Variants in CEP164 observed in about 807,000 individuals in gnomAD.
CEP164 encodes centrosomal protein 164.
CEP164 carries 162 observed loss-of-function variants against 182.7 expected under a neutral mutation model. The observed-to-expected ratio is 0.89, with a 90% CI of 0.78 to 1.01. The LOEUF is 1.01. CEP164 is among the 50% of genes least tolerant of loss of function. The pLI, the probability that CEP164 is intolerant of heterozygous loss-of-function variation, is 0.00. For missense variants in CEP164, 1,735 were observed against 1,790.4 expected, an observed-to-expected ratio of 0.97 and a Z score of 0.56; for synonymous variants, 661 against 690.0, an observed-to-expected ratio of 0.96 and a Z score of 0.66.
upstream of CEP164, among the ~76,000 whole-genome samples, chr11:117,325,510 C>T (rs1330326791): frequency 2.0e-5 from 3 of 152,162 alleles, no homozygotes; most frequent in South Asian, 2.1e-4. Context: ...CTCGGCCTCC[C>T]GAGTAGCTGG....
At chr11:117,398,446 T>C (rs750902340) in intron 27 of CEP164, among the ~76,000 whole-genome samples, 2 of 152,214 alleles carry the variant, frequency 1.3e-5, no homozygotes, top group Admixed American at 6.5e-5. Flanking sequence ...ACAGCTCTAT[T>C]AGGCAGTGCC....
In CEP164 at chr11:117,369,201, C is replaced by T. The variant is rs374357316; in HGVS notation, c.766-1879C>T. On this transcript the variant is annotated intron_variant, in intron 8 of 32. Transcript: ENST00000278935. Reference sequence around the variant, plus strand: ...TCATTACATAACGTAAGTTAACATTCGTGGGACACTGACAGTGTGCCAGTC... The same window carrying T: ...TCATTACATAACGTAAGTTAACATTTGTGGGACACTGACAGTGTGCCAGTC... Among the ~76,000 whole-genome samples, 22 of 152,320 alleles carry T rather than the reference C, an allele frequency of 1.4e-4. No homozygotes were observed. In the South Asian group the frequency reaches 1.7e-3, roughly 11 times the overall value.
rs184992788 is a variant in CEP164, at chr11:117,322,181, T to A, written c.-98+7453T>A. On this transcript the variant is annotated intron_variant, in intron 1 of 4. Coordinates refer to the CEP164 transcript ENST00000525734. ...CCCAGGTTGGAGTACAGTGGCGTGATCTTGGCTCACTACAACCTCCACCTC... is the reference window on the plus strand; with the variant it reads ...CCCAGGTTGGAGTACAGTGGCGTGAACTTGGCTCACTACAACCTCCACCTC... Among the ~76,000 whole-genome samples, 40 of 152,298 alleles carry A rather than the reference T, an allele frequency of 2.6e-4. No individual in the cohort carries two copies. In the East Asian group the frequency reaches 7.5e-3, roughly 29 times the overall value.
chr11:117,367,652 C>T (rs2041793053), intron 8 of CEP164, among the ~76,000 whole-genome samples: 1 of 152,064 alleles, frequency 6.6e-6, no homozygotes, highest in Non-Finnish European at 1.5e-5. Flanking sequence ...ATTAGGTATC[C>T]TCTCCTTTTA....
intron 14 of CEP164, chr11:117,385,668 C>G (rs560355): frequency 0.6 from 90,912 of 152,170 alleles, 27,749 homozygotes; most frequent in African/African-American, 0.64. Flanking sequence ...GTGGGGGAAG[C>G]CTCTTTCTGA....
At chr11:117,324,177 T>C (rs966257455), upstream of CEP164, among the ~76,000 whole-genome samples, 3 of 152,190 alleles carry the variant, frequency 2.0e-5, no homozygotes, top group Admixed American at 2.0e-4. Context: ...ATGGGCACAG[T>C]GGCTCATGCT....
intron 15 of CEP164, among the ~76,000 whole-genome samples, chr11:117,388,932 ATT>A (rs879384646): frequency 6.9e-6 from 1 of 145,424 alleles, no homozygotes. Flanking sequence ...TGCCTGGCTA[ATT>A]TTTTTTTTTT....
chr11:117,371,480 T>G lies in CEP164; in HGVS notation c.1152+14T>G, dbSNP rs761942364. ...GACGCCAGCCAAGTAAGTCACTGTA[T>G]CCCATAGGCAGGGGTTGGCTGTAGC... On this transcript the variant is annotated intron_variant, in intron 9 of 32. Transcript: ENST00000278935. 3.1e-6 allele frequency: 5 copies of G among 1,596,038 alleles called. No homozygotes were observed. The highest frequency in any genetic ancestry group is 3.4e-6 in the Non-Finnish European group (4 of 1,171,952).
intron 30 of CEP164, chr11:117,410,433 C>T (rs2047220731): frequency 3.6e-6 from 1 of 277,952 alleles, no homozygotes; most frequent in Non-Finnish European, 6.8e-6. Flanking sequence ...AAGTAGTATG[C>T]TCCAGGGTAC....
Position 117,371,432 on chromosome 11 carries a change from C to T in CEP164, c.1118C>T (p.Ser373Phe), listed in dbSNP as rs1036349313. ...GCCAAGGAGCCAAAGAAGAAGGCTT[C>T]TGCTCTGGAAGAGGGCAGTTCAGAC... The part of the protein sequence containing the change: ...EAAKEPKKKA[S>F]ALEEGSSDAS... The change falls in exon 9 of 33, where the codon TCT becomes TTT. Residue 373 changes from serine (S) to phenylalanine (F), a missense_variant. Transcript: ENST00000278935. 1 of 1,613,666 alleles carries T rather than the reference C, an allele frequency of 6.2e-7. No homozygotes were observed. The highest frequency in any genetic ancestry group is 8.5e-7 in the Non-Finnish European group (1 of 1,179,842).
At chr11:117,383,053 T>TA in intron 14 of CEP164, 111 bp downstream of exon 14, 1 of 1,259,354 alleles carries the variant, frequency 7.9e-7, no homozygotes, top group Non-Finnish European at 1.1e-6. Context: ...GGCCAAGGGT[T>TA]AGAGTGTAGG....
chr11:117,344,369 C>T (rs2038582354), intron 4 of CEP164, 92 bp downstream of exon 4: 11 of 799,408 alleles, frequency 1.4e-5, no homozygotes, highest in Non-Finnish European at 2.3e-5. Flanking sequence ...CCAGCTTTTC[C>T]AAGCCTATCC....
rs774567518 is a variant in CEP164 at position 117,411,751 on chromosome 11, G to A, written c.4164-44G>A. On this transcript the variant is annotated intron_variant, in intron 31 of 32. Transcript: ENST00000278935. The surrounding 1 kb of genome is among the most constrained non-coding windows in gnomAD (Gnocchi z 4.4). ...CCTCTGTGCATCCTCTGTCACTTCC[G>A]CGCCTCCTCTCTCCCCTCGCCATGC... is the stretch of plus-strand genomic sequence containing the variant. 2.7e-5 allele frequency: 43 copies of A among 1,611,604 alleles called. No individual in the cohort carries two copies. Among genetic ancestry groups the A allele is most frequent in the Middle Eastern group, 3.4e-4 (2 of 5,968 alleles).
chr11:117,410,036 C>T, intron 30 of CEP164, 71 bp downstream of exon 30: 1 of 1,370,488 alleles, frequency 7.3e-7, no homozygotes, highest in Non-Finnish European at 1.0e-6. Context: ...TTCTTCTACC[C>T]TCTTTCTCCT....
At chr11:117,389,246 G>A (rs527654618) in intron 15 of CEP164, among the ~76,000 whole-genome samples, 2 of 152,266 alleles carry the variant, frequency 1.3e-5, no homozygotes, top group Middle Eastern at 3.4e-3. Context: ...TCCCCTGGTC[G>A]TGTGGGGCTG....
At chr11:117,356,637 T>C (rs1485765228) in intron 5 of CEP164, 2 of 1,276,744 alleles carry the variant, frequency 1.6e-6, no homozygotes, top group South Asian at 2.5e-5. Flanking sequence ...TTAGTGAGCA[T>C]GGCCTAAAGG....
rs1374201587 is a variant in CEP164, at chr11:117,397,274, C to G, written c.3462C>G (p.Gly1154=). The G allele has an allele frequency of 1.2e-6, 2 of 1,613,870 alleles. No homozygotes were observed. The highest frequency in any genetic ancestry group is 2.2e-5 in the East Asian group (1 of 44,874). The change falls in exon 27 of 33, where the codon GGC becomes GGG. Residue 1154 remains glycine (G), a synonymous_variant. Transcript: ENST00000278935. ...SAQEVAKDPP[G]IKALEDMRKN... is the part of the protein sequence containing the mutation. ...AGGAGGTGGCCAAAGACCCACCAGG[C>G]ATCAAGGCCCTGGAAGATATGCGCA...
upstream of CEP164, among the ~76,000 whole-genome samples, chr11:117,325,857 A>G (rs1591899779): frequency 6.6e-6 from 1 of 151,598 alleles, no homozygotes; most frequent in African/African-American, 2.4e-5. Context: ...ATTTAGAAGT[A>G]GCATTGCAAT....
intron 14 of CEP164, chr11:117,386,305 C>G (rs554965443): frequency 2.0e-5 from 3 of 152,300 alleles, no homozygotes; most frequent in East Asian, 1.9e-4. Context: ...TTTCCTCATG[C>G]TTTATCCTGC....
Sources: gnomAD v4.1 joint callset for allele counts (sites outside exome capture counted in the v4.1 genomes callset) on GRCh38, gnomAD v4.1.1 for gene constraint, Gnocchi (gnomAD v3.1) non-coding constraint, MANE v1.5 for transcripts, NCBI Gene and HGNC (gene_info 2026-07-23, HGNC 2026-07-21) for gene names.